ATP1A2: variants seen among roughly 807,000 people sequenced by gnomAD.
ATP1A2 encodes sodium/potassium-transporting ATPase subunit alpha-2.
ATP1A2 carries 56 observed loss-of-function variants against 113.1 expected under a neutral mutation model. The ratio of observed to expected loss-of-function variants is 0.49; its 90% CI spans 0.40 to 0.62. ATP1A2 has a LOEUF of 0.62. Ranked by LOEUF, ATP1A2 falls within the 20% of genes least tolerant of loss-of-function variation. The pLI is 0.00. For missense variants in ATP1A2, 712 were observed against 1,357.8 expected, an observed-to-expected ratio of 0.52 and a Z score of 7.47; for synonymous variants, 490 against 526.8, an observed-to-expected ratio of 0.93 and a Z score of 0.96.
Position 160,130,585 on chromosome 1 carries a change from C to T in ATP1A2, c.1815C>T (p.Ser605=), listed in dbSNP as rs771651622. The stretch of plus-strand genomic sequence containing the variant: ...CAGATGCTGTGGGCAAGTGCCGAAG[C>T]GCAGGCATCAAGGTACTGGCCTCCC... ...AVPDAVGKCR[S]AGIKVIMVTG... The change falls in exon 13 of 23, where the codon AGC becomes AGT. Residue 605 remains serine (S), a synonymous_variant. Transcript: ENST00000361216. The T allele has an allele frequency of 2.1e-5, 34 of 1,614,058 alleles. No individual in the cohort carries two copies. In the East Asian group the frequency reaches 2.7e-4, roughly 13 times the overall value.
rs1433762930 is a variant in ATP1A2 at position 160,135,790 on chromosome 1, G to A, written c.2285-49G>A. 1 of 1,613,712 alleles carries A rather than the reference G, an allele frequency of 6.2e-7. No homozygotes were observed. On this transcript the variant is annotated intron_variant, in intron 16 of 22. Coordinates refer to ENST00000361216, the MANE Select transcript of ATP1A2 (RefSeq NM_000702.4). The surrounding 1 kb of genome is among the most constrained non-coding windows in gnomAD (Gnocchi z 6.3). ...CAGCCATGCTTCAGGGGCTGGGGGT[G>A]GGGAAGAGTCCCTCTGACCTCCCTG...
chr1:160,115,820 GT>G lies in ATP1A2; in HGVS notation c.-41del, dbSNP rs774433663. The stretch of plus-strand genomic sequence containing the variant: ...CTGGTGTGGGCTTGGGATCCTCCTG[GT>G]GACCTCTCCCGCTAAGGTCCCTCAG... On this transcript the variant is annotated 5_prime_UTR_variant, in exon 1 of 23. Coordinates refer to ENST00000361216, the MANE Select transcript of ATP1A2 (RefSeq NM_000702.4). The G allele has an allele frequency of 6.3e-6, 10 of 1,580,666 alleles. No individual in the cohort carries two copies. The Admixed American group carries it at 1.8e-4, about 29-fold the overall frequency.
At chr1:160,125,914 TG>T (rs768025130) in intron 7 of ATP1A2, among the ~76,000 whole-genome samples, 12 of 152,246 alleles carry the variant, frequency 7.9e-5, no homozygotes, top group Non-Finnish European at 1.6e-4. Flanking sequence ...GTGCCCTCTG[TG>T]GTAAAGCCAG....
chr1:160,135,925 A>C lies in ATP1A2; in HGVS notation c.2371A>C (p.Ile791Leu). The C allele has an allele frequency of 1.2e-6, 2 of 1,613,836 alleles. No homozygotes were observed. The highest frequency in any genetic ancestry group is 1.7e-6 in the Non-Finnish European group (2 of 1,179,912). ...CGAGATCACCCCCTTCCTGCTGTTCATCATTGCCAACATCCCCCTACCTCT... is the reference window on the plus strand; with the variant it reads ...CGAGATCACCCCCTTCCTGCTGTTCCTCATTGCCAACATCCCCCTACCTCT... ...IPEITPFLLF[I>L]IANIPLPLGT... The change falls in exon 17 of 23, where the codon ATC becomes CTC. Residue 791 changes from isoleucine (I) to leucine (L), a missense_variant. By Grantham distance (5) the Ile-to-Leu change is conservative. This residue lies in a region of ATP1A2 where 188 missense variants were observed against 438.9 expected (regional missense o/e 0.43). Coordinates refer to ENST00000361216, the MANE Select transcript of ATP1A2 (RefSeq NM_000702.4). This position sits in a 1 kb window ranked among gnomAD's most constrained non-coding sequence, Gnocchi z 6.3.
In ATP1A2 at chr1:160,124,432, TGAG is replaced by T. The variant is rs1196431313; in HGVS notation, c.630+7_630+9del. The stretch of plus-strand genomic sequence containing the variant: ...ATCATCTCTTCTCATGGCTGTAAGG[TGAG>T]GAGGTCATACCAGAGCAAGCAGTTG... On this transcript the variant is annotated splice_donor_5th_base_variant and intron_variant, in intron 6 of 22. Transcript: ENST00000361216. The T allele has an allele frequency of 6.2e-7, 1 of 1,604,636 alleles. No homozygotes were observed. The highest frequency in any genetic ancestry group is 8.5e-7 in the Non-Finnish European group (1 of 1,175,636).
At position 160,129,409 on chromosome 1, in the gene ATP1A2, G is replaced by T. The variant is rs1004576502; in HGVS notation, c.1461+9G>T. The T allele has an allele frequency of 2.5e-6, 4 of 1,612,022 alleles. No individual in the cohort carries two copies. In the African/African-American group the frequency reaches 4.0e-5, roughly 16 times the overall value. On this transcript the variant is annotated intron_variant, in intron 11 of 22. Transcript: ENST00000361216. ...CTACCAACAAGTACCAGGTCTGCTT[G>T]GGTTGCCAGGACAGAGGAAGAGAGA...
chr1:160,123,799 C>A, intron 4 of ATP1A2, 144 bp from the exon 5 acceptor site: 1 of 792,560 alleles, frequency 1.3e-6, no homozygotes, highest in South Asian at 1.5e-5. Flanking sequence ...GTGAGAAGGG[C>A]TTTCCCCTAC....
rs1235917195 is a variant in ATP1A2, at chr1:160,129,079, C to A, written c.1316C>A (p.Ser439Tyr). Reference sequence around the variant, plus strand: ...TTCAAGGCAGGACAGGAGAACATCTCCGTGTCTAAGGTAGGGGGTCAGGAC... The same window carrying A: ...TTCAAGGCAGGACAGGAGAACATCTACGTGTCTAAGGTAGGGGGTCAGGAC... ...AVFKAGQENI[S>Y]VSKRDTAGDA... The change falls in exon 10 of 23, where the codon TCC becomes TAC. Residue 439 changes from serine to tyrosine, a missense_variant. Ser to Tyr is a moderately radical substitution (Grantham distance 144). Around this residue, in one of 6 missense-constraint regions of ATP1A2, gnomAD observed 263 missense variants for 380.6 expected, o/e 0.69. Coordinates refer to ENST00000361216, the MANE Select transcript of ATP1A2 (RefSeq NM_000702.4). The A allele has an allele frequency of 6.2e-6, 10 of 1,613,886 alleles. No homozygotes were observed. Among genetic ancestry groups the A allele is most frequent in the African/African-American group, 1.3e-5 (1 of 75,022 alleles).
chr1:160,123,333 A>G lies in ATP1A2; in HGVS notation c.298A>G (p.Ile100Val). 1 of 1,614,170 alleles carries G rather than the reference A, an allele frequency of 6.2e-7. No individual in the cohort carries two copies. The highest frequency in any genetic ancestry group is 1.3e-5 in the African/African-American group (1 of 75,034). ...CCGTCAGCTTTTCGGGGGGTTCTCCATCCTGCTGTGGATTGGGGCTATCCT... is the reference window on the plus strand; with the variant it reads ...CCGTCAGCTTTTCGGGGGGTTCTCCGTCCTGCTGTGGATTGGGGCTATCCT... ...FCRQLFGGFS[I>V]LLWIGAILCF... The change falls in exon 4 of 23, where the codon ATC (isoleucine) becomes GTC (valine). Residue 100 changes from isoleucine (I) to valine (V), a missense_variant. By Grantham distance (29) the Ile-to-Val change is conservative. This residue lies in a region of ATP1A2 where 109 missense variants were observed against 162.3 expected (regional missense o/e 0.67). Coordinates refer to ENST00000361216, the MANE Select transcript of ATP1A2 (RefSeq NM_000702.4).
intron 20 of ATP1A2, among the ~76,000 whole-genome samples, chr1:160,137,745 G>A (rs1166145030): frequency 1.3e-5 from 2 of 152,078 alleles, no homozygotes; most frequent in African/African-American, 4.8e-5. Context: ...GTTTCATGCT[G>A]GTTCCTTTTA....
chr1:160,137,052 C>G (rs1362470016), intron 20 of ATP1A2, 21 bp downstream of exon 20: 1 of 1,613,636 alleles, frequency 6.2e-7, no homozygotes, highest in Non-Finnish European at 8.5e-7. Flanking sequence ...ACCCCCATGG[C>G]ACCTACCCAC....
At position 160,123,249 on chromosome 1, in the gene ATP1A2, C is replaced by T. The variant is rs1651476683; in HGVS notation, c.214C>T (p.Arg72Ter). 1.9e-6 allele frequency: 3 copies of T among 1,614,236 alleles called. No homozygotes were observed. The highest frequency in any genetic ancestry group is 2.5e-6 in the Non-Finnish European group (3 of 1,180,034). The change falls in exon 4 of 23, where the codon CGA becomes TGA. Residue 72 changes from arginine (R) to a stop codon, truncating the protein, a stop_gained. Transcript: ENST00000361216. LOFTEE classifies it high-confidence loss of function. ...TNQRAQDVLARDGPNALTPPP... is the reference protein window; with the variant it reads ...TNQRAQDVLA ...CCAGCGGGCTCAGGACGTTCTGGCT[C>T]GAGATGGGCCCAACGCCCTCACACC...
chr1:160,121,815 A>G (rs879060307), intron 3 of ATP1A2, among the ~76,000 whole-genome samples: 1 of 152,250 alleles, frequency 6.6e-6, no homozygotes, highest in Admixed American at 6.5e-5. Context: ...AAGCCCTTCA[A>G]TTAAAAATTT....
In ATP1A2 at chr1:160,123,883, C is replaced by G. The variant is rs537562042; in HGVS notation, c.382-60C>G. The G allele has an allele frequency of 6.0e-6, 9 of 1,495,014 alleles. No individual in the cohort carries two copies. In the East Asian group the frequency reaches 1.6e-4, roughly 26 times the overall value. The allele number at this position is 1,495,014 out of a possible 1,614,324, so 92.6% of individuals were successfully genotyped here. On this transcript the variant is annotated intron_variant, in intron 4 of 22. Transcript: ENST00000361216. The stretch of plus-strand genomic sequence containing the variant: ...GGCACTGCCTGCTCATCCCAAGTGG[C>G]AGCTGCCCCTTTAGGGTTGGGGGGA...
At chr1:160,134,883 A>T (rs904432115) in intron 14 of ATP1A2, among the ~76,000 whole-genome samples, 3 of 152,208 alleles carry the variant, frequency 2.0e-5, no homozygotes, top group African/African-American at 7.2e-5. Context: ...CCACTGCTGT[A>T]GGAGTGGGAT....
chr1:160,121,881 T>C (rs966534184), intron 3 of ATP1A2, among the ~76,000 whole-genome samples: 1 of 152,204 alleles, frequency 6.6e-6, no homozygotes, highest in Non-Finnish European at 1.5e-5. Context: ...CCTATAATTT[T>C]ACCACTTTGG....
At chr1:160,130,692 G>T (rs1044587048) in intron 13 of ATP1A2, 95 bp downstream of exon 13, 1 of 1,542,104 alleles carries the variant, frequency 6.5e-7, no homozygotes, top group Non-Finnish European at 8.9e-7. Flanking sequence ...CCCAGGCCAC[G>T]GTGGCCTCCT....
rs17846713 is a variant in ATP1A2 at position 160,130,411 on chromosome 1, C to G, written c.1652-11C>G. The G allele has an allele frequency of 0.045, 72,763 of 1,614,142 alleles. 1,979 individuals carry two copies. Among genetic ancestry groups the G allele is most frequent in the Non-Finnish European group, 0.053 (62,844 of 1,180,010 alleles). On this transcript the variant is annotated splice_polypyrimidine_tract_variant and intron_variant, in intron 12 of 22. Transcript: ENST00000361216. ...CTGCGGATCTCACTGATCCCTTCTG[C>G]CCCCCTTTAGGATTCTGTCAACTGA...
intron 7 of ATP1A2, among the ~76,000 whole-genome samples, chr1:160,126,329 T>A (rs1239987670): frequency 6.6e-6 from 1 of 152,238 alleles, no homozygotes; most frequent in African/African-American, 2.4e-5. Flanking sequence ...ATTTGTATTA[T>A]TTTTATTGTT....
Sources: gnomAD v4.1 joint callset for allele counts (sites outside exome capture counted in the v4.1 genomes callset) on GRCh38, gnomAD v4.1.1 for gene constraint, gnomAD v4.1.1 regional missense constraint, Gnocchi (gnomAD v3.1) non-coding constraint, MANE v1.5 for transcripts, NCBI Gene and HGNC (gene_info 2026-07-23, HGNC 2026-07-21) for gene names.